Variants in PARD3B observed in about 807,000 individuals in gnomAD.
PARD3B encodes the protein partitioning defective 3 homolog B.
A neutral mutation model predicts 130.2 loss-of-function variants in PARD3B; 103 were observed. The observed-to-expected ratio is 0.79, with a 90% CI of 0.67 to 0.93. PARD3B has a LOEUF of 0.93. Among genes scored for constraint, PARD3B ranks in the 40% least tolerant of loss-of-function variants. The probability of loss-of-function intolerance (pLI) is 0.00; values close to 1 mark genes in which losing one functional copy is unlikely to be tolerated. For synonymous variants in PARD3B, 583 were observed against 553.2 expected, an observed-to-expected ratio of 1.05 and a Z score of -0.76; for missense variants, 1,609 against 1,499.2, an observed-to-expected ratio of 1.07 and a Z score of -1.21.
At chr2:204,735,982 C>A (rs902772060) in intron 2 of PARD3B, among the ~76,000 whole-genome samples, 1 of 152,082 alleles carries the variant, frequency 6.6e-6, no homozygotes, top group Non-Finnish European at 1.5e-5. Context: ...TATAAATATA[C>A]CCTTCTCTGG....
At chr2:204,567,176 A>G (rs13030313) in intron 1 of PARD3B, among the ~76,000 whole-genome samples, 1 of 152,264 alleles carries the variant, frequency 6.6e-6, no homozygotes, top group African/African-American at 2.4e-5. Flanking sequence ...CACTGTGCCC[A>G]GGCTCTAATC....
rs184701202 is a variant in PARD3B at position 205,530,518 on chromosome 2, C to T, written c.3181-22806C>T. Among the ~76,000 whole-genome samples the T allele has an allele frequency of 6.6e-6, 1 of 152,270 alleles. No homozygotes were observed. The highest frequency in any genetic ancestry group is 2.4e-5 in the African/African-American group (1 of 41,548). Reference sequence around the variant, plus strand: ...TTGTCTGCTTTCTTCCAGAATACAGCGTGCTCTGGTTAGTACAATAGCTAA... The same window carrying T: ...TTGTCTGCTTTCTTCCAGAATACAGTGTGCTCTGGTTAGTACAATAGCTAA... On this transcript the variant is annotated intron_variant, in intron 21 of 22. Coordinates refer to ENST00000406610, the MANE Select transcript of PARD3B (RefSeq NM_001302769.2). This position sits in a 1 kb window ranked among gnomAD's most constrained non-coding sequence, Gnocchi z 4.7.
intron 2 of PARD3B, among the ~76,000 whole-genome samples, chr2:204,728,909 G>A (rs1382523964): frequency 6.6e-6 from 1 of 152,132 alleles, no homozygotes; most frequent in Non-Finnish European, 1.5e-5. Flanking sequence ...TCAGAACCCA[G>A]GAGGAGCCAG....
rs1172441730 is a variant in PARD3B, at chr2:204,925,285, A to G, written c.223-39867A>G. On this transcript the variant is annotated intron_variant, in intron 2 of 22. Coordinates refer to ENST00000406610, the MANE Select transcript of PARD3B (RefSeq NM_001302769.2). ...CTCAAGGAGGAATTTTATCTTTCCT[A>G]TGATGATGGTGGCTATGAAGAGAAA... 2.0e-5 allele frequency among the ~76,000 whole-genome samples: 3 copies of G among 152,160 alleles called. No homozygotes were observed. In the East Asian group the frequency reaches 5.8e-4, roughly 29 times the overall value.
At chr2:205,542,354 T>TGTGTG (rs1553540489) in intron 21 of PARD3B, among the ~76,000 whole-genome samples, 2 of 145,106 alleles carry the variant, frequency 1.4e-5, no homozygotes, top group Non-Finnish European at 3.0e-5. Context: ...TAGTTTGTGT[T>TGTGTG]TGTGTGTGTG....
At chr2:205,586,095 A>G (rs1453934879) in intron 22 of PARD3B, among the ~76,000 whole-genome samples, 1 of 152,220 alleles carries the variant, frequency 6.6e-6, no homozygotes, top group African/African-American at 2.4e-5. Flanking sequence ...AAGTAAGTTC[A>G]TGATTTACCC....
chr2:204,650,715 A>C (rs1321816986), intron 1 of PARD3B, among the ~76,000 whole-genome samples: 1 of 152,152 alleles, frequency 6.6e-6, no homozygotes, highest in East Asian at 1.9e-4. Flanking sequence ...GTATCAGTCC[A>C]TTTTCACATT....
chr2:204,545,948 G>A lies in PARD3B; in HGVS notation c.-52G>A, dbSNP rs541577270. ...TCCTCCGAGAGTGGGGGCTGCGCCC[G>A]CGGGGTCAGACACCTGTTCGGCCCG... On this transcript the variant is annotated 5_prime_UTR_variant, in exon 1 of 23. Coordinates refer to ENST00000406610, the MANE Select transcript of PARD3B (RefSeq NM_001302769.2). 9.5e-6 allele frequency: 14 copies of A among 1,478,110 alleles called. No homozygotes were observed. The African/African-American group carries it at 1.2e-4, about 12-fold the overall frequency. 91.6% of individuals were successfully genotyped at this position (1,478,110 alleles called of 1,614,324 possible).
intron 18 of PARD3B, among the ~76,000 whole-genome samples, chr2:205,337,295 C>A (rs990503199): frequency 2.0e-5 from 3 of 152,190 alleles, no homozygotes; most frequent in African/African-American, 7.2e-5. Flanking sequence ...AACAGATCCC[C>A]AGTTTTAGCA....
chr2:205,465,846 G>A (rs2048602472), intron 20 of PARD3B, among the ~76,000 whole-genome samples: 1 of 152,210 alleles, frequency 6.6e-6, no homozygotes, highest in Middle Eastern at 3.2e-3. Flanking sequence ...GCAGCTAAAA[G>A]CTGCATTAAT....
intron 22 of PARD3B, among the ~76,000 whole-genome samples, chr2:205,600,454 C>CT (rs1164861105): frequency 1.3e-5 from 2 of 152,162 alleles, no homozygotes; most frequent in Non-Finnish European, 2.9e-5. Flanking sequence ...AAATCACACT[C>CT]TTTGTTGTTG....
At chr2:204,571,098 T>G (rs1037660376) in intron 1 of PARD3B, among the ~76,000 whole-genome samples, 1 of 152,186 alleles carries the variant, frequency 6.6e-6, no homozygotes, top group Non-Finnish European at 1.5e-5. Flanking sequence ...TCTGGATACT[T>G]TATTTCTACT....
chr2:205,437,208 C>T (rs1459508993), intron 19 of PARD3B, among the ~76,000 whole-genome samples: 1 of 152,140 alleles, frequency 6.6e-6, no homozygotes, highest in Admixed American at 6.6e-5. Context: ...TCTAATTCCA[C>T]TGTAGATAGA....
chr2:205,066,183 T>C (rs1474145465), intron 4 of PARD3B, among the ~76,000 whole-genome samples: 1 of 152,162 alleles, frequency 6.6e-6, no homozygotes, highest in Non-Finnish European at 1.5e-5. Context: ...TATTTTCTGC[T>C]CTCAATTTGG....
rs187936688 is a variant in PARD3B at position 204,723,437 on chromosome 2, A to G, written c.222+37155A>G. On this transcript the variant is annotated intron_variant, in intron 2 of 22. Coordinates refer to ENST00000406610, the MANE Select transcript of PARD3B (RefSeq NM_001302769.2). ...TCAACTGTATTCTTTCAAATTTGCCAAAGAACAAAAAGTAAGATTTTGTCA... is the reference window on the plus strand; with the variant it reads ...TCAACTGTATTCTTTCAAATTTGCCGAAGAACAAAAAGTAAGATTTTGTCA... Among the ~76,000 whole-genome samples, 37 of 152,282 alleles carry G rather than the reference A, an allele frequency of 2.4e-4. No homozygotes were observed. The East Asian group carries it at 7.1e-3, about 29-fold the overall frequency.
At chr2:205,508,508 G>C (rs1388517739) in intron 21 of PARD3B, among the ~76,000 whole-genome samples, 1 of 151,658 alleles carries the variant, frequency 6.6e-6, no homozygotes, top group Non-Finnish European at 1.5e-5. Context: ...GGAGGTCAAG[G>C]CTGCAGAGAG....
intron 2 of PARD3B, among the ~76,000 whole-genome samples, chr2:204,710,175 T>A (rs6753683): frequency 0.28 from 41,921 of 152,006 alleles, 7,227 homozygotes; most frequent in African/African-American, 0.49. Context: ...ATGGTTAGGT[T>A]AAGGTAGCAT....
chr2:205,219,217 G>T (rs2125867274), intron 15 of PARD3B, among the ~76,000 whole-genome samples: 1 of 152,264 alleles, frequency 6.6e-6, no homozygotes, highest in East Asian at 1.9e-4. Context: ...CAAAAAGCTA[G>T]CAGATATTTA....
chr2:205,017,626 A>G (rs1456761253), intron 3 of PARD3B, among the ~76,000 whole-genome samples: 1 of 152,070 alleles, frequency 6.6e-6, no homozygotes, highest in Non-Finnish European at 1.5e-5. Flanking sequence ...GGCTTTGCTC[A>G]CTGGTCACAG....
Sources: allele counts gnomAD v4.1 joint callset (sites outside exome capture counted in the v4.1 genomes callset), GRCh38; gene constraint gnomAD v4.1.1; non-coding constraint Gnocchi (gnomAD v3.1); transcripts MANE v1.5; gene names NCBI Gene and HGNC (gene_info 2026-07-23, HGNC 2026-07-21).